Variants in PSG8 observed in about 807,000 individuals in gnomAD.
PSG8 encodes pregnancy specific beta-1-glycoprotein 8, also known as pregnancy-specific beta-1-glycoprotein 8.
PSG8 carries 57 observed loss-of-function variants against 42.5 expected under a neutral mutation model. The observed-to-expected ratio is 1.34, with a 90% CI of 1.08 to 1.67. The LOEUF is 1.67. Among genes scored for constraint, PSG8 ranks in the 40% most tolerant of loss-of-function variants. The probability of loss-of-function intolerance (pLI) is 0.00; values close to 1 mark genes in which losing one functional copy is unlikely to be tolerated. For missense variants in PSG8, 783 were observed against 518.6 expected, an observed-to-expected ratio of 1.51 and a Z score of -4.95; for synonymous variants, 280 against 196.8, an observed-to-expected ratio of 1.42 and a Z score of -3.54.
chr19:42,754,027 A>G (rs1156448037), downstream of PSG8: 2 of 906,592 alleles, frequency 2.2e-6, no homozygotes, highest in Admixed American at 2.9e-5. Context: ...AAAACAAACC[A>G]TTTAAAGAAT....
At chr19:42,753,038 G>A, downstream of PSG8, 1 of 566,546 alleles carries the variant, frequency 1.8e-6, no homozygotes, top group East Asian at 2.9e-5. Flanking sequence ...ATCCTGCCAA[G>A]TGAAAGAGGC....
chr19:42,754,036 A>T, downstream of PSG8: 1 of 957,386 alleles, frequency 1.0e-6, no homozygotes, highest in Non-Finnish European at 1.5e-6. Context: ...CATTTAAAGA[A>T]TCAGCAAATT....
chr19:42,754,903 A>G, intron 4 of PSG8, 85 bp downstream of exon 4: 1 of 1,570,242 alleles, frequency 6.4e-7, no homozygotes, highest in Non-Finnish European at 8.6e-7. Flanking sequence ...CTATACTTGG[A>G]CCAGAGAGAG....
chr19:42,763,738 A>G, intron 2 of PSG8, 178 bp downstream of exon 2: 2 of 1,265,318 alleles, frequency 1.6e-6, no homozygotes, highest in South Asian at 2.6e-5. Context: ...CGGGAAAGGA[A>G]TTCTGATCTG....
intron 2 of PSG8, among the ~76,000 whole-genome samples, chr19:42,761,731 T>A (rs1461044339): frequency 6.6e-6 from 1 of 152,002 alleles, no homozygotes; most frequent in Non-Finnish European, 1.5e-5. Context: ...CTGGGGAGGC[T>A]GATTTGAGTA....
intron 3 of PSG8, 34 bp from the exon 4 acceptor site, chr19:42,755,300 T>C (rs924410089): frequency 6.3e-7 from 1 of 1,592,232 alleles, no homozygotes; most frequent in African/African-American, 1.3e-5. Context: ...TTGTCCTGTG[T>C]GGCACCTTTG....
downstream of PSG8, among the ~76,000 whole-genome samples, chr19:42,753,637 A>G (rs1268885624): frequency 6.6e-6 from 1 of 152,166 alleles, no homozygotes; most frequent in Non-Finnish European, 1.5e-5. Flanking sequence ...CTAAGTTTTT[A>G]TAAGGAATCT....
Position 42,756,713 on chromosome 19 carries a change from T to C in PSG8, c.709+1289A>G, listed in dbSNP as rs369933454. Among the ~76,000 whole-genome samples the C allele has an allele frequency of 1.1e-4, 17 of 152,296 alleles. 1 individual carries two copies. Among genetic ancestry groups the C allele is most frequent in the African/African-American group, 4.1e-4 (17 of 41,566 alleles). On this transcript the variant is annotated intron_variant, in intron 3 of 4. Transcript: ENST00000306511. ...GCCTCACTCGTATATTTTTGAAGGC[T>C]TTGGGATGTGAAGCCTTTGAAGGCT... is the stretch of plus-strand genomic sequence containing the variant.
intron 2 of PSG8, among the ~76,000 whole-genome samples, chr19:42,762,774 G>A (rs532539070): frequency 4.6e-5 from 7 of 152,072 alleles, no homozygotes; most frequent in Non-Finnish European, 8.8e-5. Context: ...TAGTTCTGGA[G>A]TACAGACTAA....
chr19:42,754,432 G>A lies in PSG8; in HGVS notation c.1144C>T (p.Pro382Ser), dbSNP rs1969859887. The A allele has an allele frequency of 2.5e-6, 4 of 1,613,788 alleles. No homozygotes were observed. Among genetic ancestry groups the A allele is most frequent in the Non-Finnish European group, 3.4e-6 (4 of 1,179,818 alleles). ...FQLSGQKLFI[P>S]QITTKHSGLY... Reference sequence around the variant, plus strand: ...CCGCTATGCTTTGTAGTAATTTGGGGGATAAAGAGCTTTTGTCCTGATAGC... The same window carrying A: ...CCGCTATGCTTTGTAGTAATTTGGGAGATAAAGAGCTTTTGTCCTGATAGC... Residue 382 changes from proline (P) to serine (S), a missense_variant, in exon 5 of 5, where the codon CCC becomes TCC. Transcript: ENST00000306511.
At position 42,755,167 on chromosome 19, in the gene PSG8, G is replaced by C. The variant is rs745899134; in HGVS notation, c.809C>G (p.Thr270Ser). 8 of 1,611,768 alleles carry C rather than the reference G, an allele frequency of 5.0e-6. No individual in the cohort carries two copies. In the African/African-American group the frequency reaches 1.1e-4, roughly 22 times the overall value. ...FTCEPKSENY[T>S]YIWWLNGQSL... Reference sequence around the variant, plus strand: ...CTGACCATTTAGCCACCAAATGTAGGTGTAGTTCTCACTCTTAGGTTCACA... The same window carrying C: ...CTGACCATTTAGCCACCAAATGTAGCTGTAGTTCTCACTCTTAGGTTCACA... The change falls in exon 4 of 5, where the codon ACC becomes AGC. Residue 270 changes from threonine (T) to serine (S), a missense_variant. Physicochemically the swap from Thr to Ser is moderately conservative, Grantham distance 58. Transcript: ENST00000306511.
Position 42,764,253 on chromosome 19 carries a change from G to T in PSG8, c.93C>A (p.Pro31=). The T allele has an allele frequency of 3.1e-6, 5 of 1,613,594 alleles. No individual in the cohort carries two copies. Among genetic ancestry groups the T allele is most frequent in the Non-Finnish European group, 4.2e-6 (5 of 1,179,752 alleles). ...TASLLNFWNP[P]TTAQVTIEAQ... is the part of the protein sequence containing the mutation. The stretch of plus-strand genomic sequence containing the variant: ...CTTCAATCGTGACTTGGGCAGTCGT[G>T]GGTGGGTTCCAGAAGTTTAAAAGTG... Residue 31 remains proline (P), a synonymous_variant, in exon 2 of 5, where the codon CCC becomes CCA. Coordinates refer to ENST00000306511, the MANE Select transcript of PSG8 (RefSeq NM_182707.3).
chr19:42,763,869 A>G, intron 2 of PSG8, 47 bp downstream of exon 2: 8 of 1,613,150 alleles, frequency 5.0e-6, no homozygotes, highest in Non-Finnish European at 6.8e-6. Flanking sequence ...GTGAAGTAGA[A>G]GTGACCCCTG....
chr19:42,758,809 A>G (rs915940409), intron 2 of PSG8: 1 of 164,108 alleles, frequency 6.1e-6, no homozygotes, highest in Non-Finnish European at 1.4e-5. Flanking sequence ...ACAGGGGAGA[A>G]CAGAGTCAAG....
In PSG8 at chr19:42,758,191, G is replaced by T. The variant is rs771409114; in HGVS notation, c.520C>A (p.Pro174Thr). The T allele has an allele frequency of 2.5e-6, 4 of 1,614,036 alleles. No individual in the cohort carries two copies. The highest frequency in any genetic ancestry group is 3.4e-6 in the Non-Finnish European group (4 of 1,179,966). ...ATCCACCACAGGTAGCTTGCGTCCG[G>T]AGTCTCAGGATCACAGGTTAAGCTC... ...AVSLTCDPET[P>T]DASYLWWMNG... is the part of the protein sequence containing the mutation. Residue 174 changes from proline to threonine, a missense_variant, in exon 3 of 5, where the codon CCG becomes ACG. Pro to Thr is a conservative substitution (Grantham distance 38). Transcript: ENST00000306511.
Position 42,764,259 on chromosome 19 carries a change from G to T in PSG8, c.87C>A (p.Asn29Lys), listed in dbSNP as rs772784497. The change falls in exon 2 of 5, where the codon AAC (asparagine) becomes AAA (lysine). Residue 29 changes from asparagine to lysine, a missense_variant. By Grantham distance (94) the Asn-to-Lys change is moderately conservative. Transcript: ENST00000306511. The part of the protein sequence containing the change: ...LLTASLLNFW[N>K]PPTTAQVTIE... ...TCGTGACTTGGGCAGTCGTGGGTGG[G>T]TTCCAGAAGTTTAAAAGTGATGCTA... is the stretch of plus-strand genomic sequence containing the variant. 36 of 1,613,332 alleles carry T rather than the reference G, an allele frequency of 2.2e-5. No individual in the cohort carries two copies. Among genetic ancestry groups the T allele is most frequent in the Middle Eastern group, 1.6e-4 (1 of 6,062 alleles).
chr19:42,761,649 A>T (rs1205685338), intron 2 of PSG8, among the ~76,000 whole-genome samples: 1 of 151,876 alleles, frequency 6.6e-6, no homozygotes, highest in Non-Finnish European at 1.5e-5. Flanking sequence ...CCATCACCAA[A>T]CAATCAGCAG....
At chr19:42,756,680 C>T (rs1377199457) in intron 3 of PSG8, among the ~76,000 whole-genome samples, 1 of 152,134 alleles carries the variant, frequency 6.6e-6, no homozygotes, top group Admixed American at 6.6e-5. Context: ...GAATTCCATA[C>T]TGGCCATGCC....
intron 2 of PSG8, among the ~76,000 whole-genome samples, chr19:42,760,379 AGCT>A (rs2122263122): frequency 1.3e-5 from 2 of 152,188 alleles, no homozygotes; most frequent in Admixed American, 6.5e-5. Flanking sequence ...GTTGTCCCAC[AGCT>A]ACAAAATTTA....
Sources: gnomAD v4.1 joint callset for allele counts (sites outside exome capture counted in the v4.1 genomes callset) on GRCh38, gnomAD v4.1.1 for gene constraint, MANE v1.5 for transcripts, NCBI Gene and HGNC (gene_info 2026-07-23, HGNC 2026-07-21) for gene names.